The following REPS2 variants were observed in gnomAD, a reference collection of about 807,000 sequenced individuals.
REPS2 encodes RALBP1 associated Eps domain containing 2, also known as ralBP1-associated Eps domain-containing protein 2.
In REPS2, 23 loss-of-function variants were observed where a neutral mutation model predicts 53.6. The observed-to-expected ratio is 0.43, with a 90% confidence interval of 0.31 to 0.61. The LOEUF (loss-of-function observed/expected upper bound fraction) is 0.61. Among genes scored for constraint, REPS2 ranks in the 20% least tolerant of loss-of-function variants. The pLI is 0.11. For missense variants in REPS2, 446 were observed against 534.9 expected (o/e 0.83, Z 1.64); for synonymous variants, 238 against 218.6 (o/e 1.09, Z -0.78).
At chrX:17,158,883 C>T in the REPS2 span, among the ~76,000 whole-genome samples, 1 of 111,831 alleles carries the variant, frequency 8.9e-6, no homozygotes, top group African/African-American at 3.2e-5. Context: ...GAGGCTTTAA[C>T]ATTTCCACAT....
At chrX:17,126,597 C>T (rs768214446) in intron 14 of REPS2, among the ~76,000 whole-genome samples, 1 of 111,775 alleles carries the variant, frequency 8.9e-6, no homozygotes, top group South Asian at 3.8e-4. Context: ...TCTGTGTGCT[C>T]AGTGAATCTC....
intron 5 of REPS2, among the ~76,000 whole-genome samples, chrX:17,043,393 G>C (rs2061860543): frequency 9.0e-6 from 1 of 111,113 alleles, no homozygotes; most frequent in African/African-American, 3.3e-5. Context: ...TGGTCTGTAG[G>C]GGTGGGAGTT....
Position 16,947,141 on chromosome X carries a change from C to T in REPS2, c.273+7C>T, listed in dbSNP as rs1177162268. Reference sequence around the variant, plus strand: ...CGCCGAGACGCTGCACCAGGTGGGTCCCTCCGCCTCCTGTCCCTGCGGGTC... The same window carrying T: ...CGCCGAGACGCTGCACCAGGTGGGTTCCTCCGCCTCCTGTCCCTGCGGGTC... On this transcript the variant is annotated splice_region_variant and intron_variant, in intron 1 of 17. Transcript: ENST00000357277. 2.8e-6 allele frequency: 3 copies of T among 1,062,503 alleles called. No homozygotes were observed. Among genetic ancestry groups the T allele is most frequent in the Middle Eastern group, 3.5e-4 (1 of 2,849 alleles). 87.6% of individuals were successfully genotyped at this position (1,062,503 alleles called of 1,213,427 possible).
chrX:16,998,069 A>T (rs1369965897), intron 1 of REPS2, among the ~76,000 whole-genome samples: 9 of 60,607 alleles, frequency 1.5e-4, no homozygotes, highest in Non-Finnish European at 2.6e-4. Flanking sequence ...ACACAGGGAG[A>T]CCCCCCATCT....
the REPS2 span, among the ~76,000 whole-genome samples, chrX:17,171,651 C>T: frequency 9.0e-6 from 1 of 110,641 alleles, no homozygotes; most frequent in Non-Finnish European, 1.9e-5. Flanking sequence ...TCCCTAGTAG[C>T]TGGGACTACA....
chrX:17,085,395 C>T (rs186693800), intron 13 of REPS2, among the ~76,000 whole-genome samples: 2 of 111,921 alleles, frequency 1.8e-5, no homozygotes, highest in African/African-American at 6.5e-5. Flanking sequence ...ATCAGCTTGT[C>T]AATTTCTGTA....
chrX:16,988,729 A>G (rs1217487636), intron 1 of REPS2, among the ~76,000 whole-genome samples: 2 of 111,741 alleles, frequency 1.8e-5, no homozygotes, highest in Non-Finnish European at 3.8e-5. Context: ...CATTCACTCA[A>G]GAAATACTTG....
At chrX:17,181,016 A>G in the REPS2 span, among the ~76,000 whole-genome samples, 1 of 112,016 alleles carries the variant, frequency 8.9e-6, no homozygotes, top group Admixed American at 9.4e-5. Flanking sequence ...TTTGAAATAT[A>G]TCTCTTTTCT....
downstream of REPS2, among the ~76,000 whole-genome samples, chrX:17,153,836 A>G (rs904720735): frequency 5.4e-5 from 6 of 111,167 alleles, no homozygotes; most frequent in South Asian, 3.9e-4. Context: ...AGAATCATCT[A>G]TCATTTGGCC....
At chrX:17,047,711 G>A (rs1239163870) in intron 6 of REPS2, among the ~76,000 whole-genome samples, 1 of 112,703 alleles carries the variant, frequency 8.9e-6, no homozygotes, top group Non-Finnish European at 1.9e-5. Context: ...GGGCAACTTG[G>A]CCCAGACCCT....
At chrX:17,140,694 TTTC>T (rs1296840822) in intron 17 of REPS2, among the ~76,000 whole-genome samples, 1 of 109,069 alleles carries the variant, frequency 9.2e-6, no homozygotes, top group Non-Finnish European at 1.9e-5. Context: ...TTTACAGTTT[TTTC>T]TTATGATGTA....
chrX:17,054,288 A>C (rs1287896263), intron 7 of REPS2, among the ~76,000 whole-genome samples: 2 of 112,896 alleles, frequency 1.8e-5, no homozygotes, highest in Non-Finnish European at 3.7e-5. Flanking sequence ...AGCAAAGAAC[A>C]GTTTGGTACA....
intron 8 of REPS2, among the ~76,000 whole-genome samples, chrX:17,058,206 G>A (rs770034916): frequency 9.0e-6 from 1 of 111,479 alleles, no homozygotes; most frequent in South Asian, 3.8e-4. Context: ...TGTAATCTCA[G>A]CACTTTGGGA....
chrX:17,161,395 T>C, the REPS2 span, among the ~76,000 whole-genome samples: 1 of 111,726 alleles, frequency 9.0e-6, no homozygotes, highest in Non-Finnish European at 1.9e-5. Flanking sequence ...TCAGAGAAAT[T>C]TGAAGCATGA....
At chrX:17,050,091 A>G (rs2061959868) in intron 6 of REPS2, among the ~76,000 whole-genome samples, 1 of 101,054 alleles carries the variant, frequency 9.9e-6, no homozygotes, top group South Asian at 4.7e-4. Context: ...CTTTTATACC[A>G]TATTTTTACT....
intron 1 of REPS2, among the ~76,000 whole-genome samples, chrX:16,995,468 T>C (rs1479851754): frequency 8.9e-6 from 1 of 112,583 alleles, no homozygotes; most frequent in Admixed American, 9.4e-5. Flanking sequence ...ACTCTGAAAT[T>C]CTTATTTGCA....
chrX:16,957,410 C>CAAA (rs34675762), intron 1 of REPS2, among the ~76,000 whole-genome samples: 1 of 95,287 alleles, frequency 1.0e-5, no homozygotes, highest in Admixed American at 1.1e-4. Context: ...GATTCTGTCT[C>CAAA]AAAAAAAAAA....
At chrX:16,966,680 G>A (rs185619640) in intron 1 of REPS2, among the ~76,000 whole-genome samples, 86 of 112,005 alleles carry the variant, frequency 7.7e-4, no homozygotes, top group Non-Finnish European at 1.3e-3. Context: ...TTGGATTTCA[G>A]ATTAGGGATG....
At chrX:17,086,357 G>A (rs1333740811) in intron 13 of REPS2, among the ~76,000 whole-genome samples, 2 of 112,331 alleles carry the variant, frequency 1.8e-5, no homozygotes, top group Non-Finnish European at 3.8e-5. Flanking sequence ...GTATTGGCCT[G>A]ATCCATGTGT....
Sources: allele counts gnomAD v4.1 joint callset (sites outside exome capture counted in the v4.1 genomes callset), GRCh38; gene constraint gnomAD v4.1.1; transcripts MANE v1.5; gene names NCBI Gene and HGNC (gene_info 2026-07-23, HGNC 2026-07-21).